The following SPAG9 variants were observed in gnomAD, a reference collection of about 807,000 sequenced individuals.
SPAG9 encodes the protein sperm associated antigen 9.
SPAG9 carries 35 observed loss-of-function variants against 166.5 expected under a neutral mutation model. The observed-to-expected ratio is 0.21, with a 90% CI of 0.16 to 0.28. The LOEUF (loss-of-function observed/expected upper bound fraction) is 0.28. Ranked by LOEUF, SPAG9 falls within the 10% of genes least tolerant of loss-of-function variation. The pLI is 1.00. For missense variants in SPAG9, 1,235 were observed against 1,603.3 expected, an observed-to-expected ratio of 0.77 and a Z score of 3.92; for synonymous variants, 534 against 565.5, an observed-to-expected ratio of 0.94 and a Z score of 0.79.
At chr17:51,110,594 C>T (rs1455497766) in intron 1 of SPAG9, among the ~76,000 whole-genome samples, 4 of 152,030 alleles carry the variant, frequency 2.6e-5, no homozygotes, top group South Asian at 2.1e-4. Flanking sequence ...GAGGCTGAGA[C>T]GGAAGGATGG....
At chr17:50,992,616 A>G (rs1220802710) in intron 19 of SPAG9, among the ~76,000 whole-genome samples, 1 of 151,978 alleles carries the variant, frequency 6.6e-6, no homozygotes, top group Non-Finnish European at 1.5e-5. Flanking sequence ...GGCTGCAATG[A>G]GTACAATGAG....
intron 26 of SPAG9, among the ~76,000 whole-genome samples, chr17:50,977,795 G>A (rs1974306694): frequency 6.6e-6 from 1 of 152,022 alleles, no homozygotes; most frequent in Non-Finnish European, 1.5e-5. Context: ...GAGGTGGGAG[G>A]GTCACTTGAG....
chr17:51,102,401 C>G (rs1250067645), intron 1 of SPAG9, among the ~76,000 whole-genome samples: 1 of 136,504 alleles, frequency 7.3e-6, no homozygotes, highest in African/African-American at 2.7e-5. Flanking sequence ...GAGACTCTGT[C>G]TGCAAAAAAA....
At chr17:51,011,311 T>A (rs1183402537) in intron 9 of SPAG9, among the ~76,000 whole-genome samples, 1 of 149,720 alleles carries the variant, frequency 6.7e-6, no homozygotes, top group Non-Finnish European at 1.5e-5. Context: ...AAAAAAACAG[T>A]AATTGAAGTA....
intron 1 of SPAG9, among the ~76,000 whole-genome samples, chr17:51,094,070 T>C (rs571272115): frequency 6.6e-6 from 1 of 152,258 alleles, no homozygotes; most frequent in African/African-American, 2.4e-5. Flanking sequence ...TGCAATAATG[T>C]AAATATCTAG....
chr17:51,029,758 C>A (rs144386628), intron 6 of SPAG9, among the ~76,000 whole-genome samples: 7 of 152,176 alleles, frequency 4.6e-5, no homozygotes, highest in African/African-American at 1.7e-4. Flanking sequence ...GTTTCCGGGG[C>A]TACAGTAGTT....
At chr17:51,119,927 C>T (rs897088242) in intron 1 of SPAG9, among the ~76,000 whole-genome samples, 1 of 152,304 alleles carries the variant, frequency 6.6e-6, no homozygotes. Flanking sequence ...TGGAAAGGTA[C>T]TGGAACTAGC....
At chr17:51,080,524 C>T (rs2048131278) in intron 1 of SPAG9, among the ~76,000 whole-genome samples, 1 of 152,098 alleles carries the variant, frequency 6.6e-6, no homozygotes, top group Non-Finnish European at 1.5e-5. Context: ...CTATCTCTAG[C>T]CCAGACCTGA....
chr17:51,099,773 A>AAAAC (rs2048751259), intron 1 of SPAG9, among the ~76,000 whole-genome samples: 4 of 149,812 alleles, frequency 2.7e-5, no homozygotes, highest in Non-Finnish European at 4.5e-5. Flanking sequence ...AAAAAAAAAA[A>AAAAC]AAAAAAAAAA....
At chr17:51,006,029 C>T in intron 11 of SPAG9, 56 bp downstream of exon 11, 1 of 1,585,690 alleles carries the variant, frequency 6.3e-7, no homozygotes, top group Non-Finnish European at 8.6e-7. Context: ...CATCTGTAAC[C>T]CTTTGTGGCA....
intron 4 of SPAG9, among the ~76,000 whole-genome samples, chr17:51,042,972 G>A (rs541742845): frequency 2.4e-4 from 36 of 152,196 alleles, no homozygotes; most frequent in African/African-American, 7.9e-4. Context: ...CTCACTGCAA[G>A]CTCTGCCTCC....
intron 4 of SPAG9, 124 bp from the exon 5 acceptor site, chr17:51,041,775 G>A (rs1453278288): frequency 2.9e-5 from 25 of 866,566 alleles, no homozygotes; most frequent in Admixed American, 9.0e-5. Context: ...GACACTGTCT[G>A]CCCATCTGAA....
chr17:51,053,228 T>C (rs2047230333), intron 3 of SPAG9, among the ~76,000 whole-genome samples: 2 of 150,794 alleles, frequency 1.3e-5, no homozygotes, highest in East Asian at 2.0e-4. Context: ...TTATAAATTA[T>C]AAATTTATCA....
At chr17:51,089,663 T>TATATACACAC (rs1403230293) in intron 1 of SPAG9, among the ~76,000 whole-genome samples, 1 of 78,298 alleles carries the variant, frequency 1.3e-5, no homozygotes, top group African/African-American at 4.4e-5. Flanking sequence ...TATATATATA[T>TATATACACAC]ACACATACAC....
chr17:51,065,573 A>G (rs1416046296), intron 2 of SPAG9, among the ~76,000 whole-genome samples: 4 of 152,228 alleles, frequency 2.6e-5, no homozygotes, highest in Admixed American at 2.0e-4. Context: ...CTTAGGCAGA[A>G]TCATTCCTTT....
chr17:50,971,485 T>TTTTA (rs1973807098), intron 28 of SPAG9, among the ~76,000 whole-genome samples: 1 of 123,754 alleles, frequency 8.1e-6, no homozygotes, highest in South Asian at 2.6e-4. Flanking sequence ...TTTTTTTTTT[T>TTTTA]GAGATGGAGT....
chr17:50,981,371 A>C (rs1974584314), intron 25 of SPAG9, among the ~76,000 whole-genome samples: 1 of 151,848 alleles, frequency 6.6e-6, no homozygotes, highest in South Asian at 2.1e-4. Context: ...ATTTTCAATA[A>C]GGGATATTCA....
At chr17:51,115,833 A>AAAAAGAAAAG (rs372714782) in intron 1 of SPAG9, among the ~76,000 whole-genome samples, 33 of 151,064 alleles carry the variant, frequency 2.2e-4, no homozygotes, top group African/African-American at 7.3e-4. Context: ...CATCTCAAAA[A>AAAAAGAAAAG]AAAAGAAAAG....
intron 1 of SPAG9, among the ~76,000 whole-genome samples, chr17:51,095,436 G>A (rs906670169): frequency 5.3e-5 from 8 of 151,540 alleles, no homozygotes; most frequent in African/African-American, 7.3e-5. Flanking sequence ...GTGAAACCCC[G>A]TCTCACTTGA....
Sources: allele counts gnomAD v4.1 joint callset (sites outside exome capture counted in the v4.1 genomes callset), GRCh38; gene constraint gnomAD v4.1.1; transcripts MANE v1.5; gene names NCBI Gene and HGNC (gene_info 2026-07-23, HGNC 2026-07-21).